Variants in GRM8 observed in about 807,000 individuals in gnomAD.
The protein encoded by GRM8 is metabotropic glutamate receptor 8.
In GRM8, 47 loss-of-function variants were observed where a neutral mutation model predicts 87.2. The ratio of observed to expected loss-of-function variants is 0.54; its 90% CI spans 0.43 to 0.69. The LOEUF is 0.69. Ranked by LOEUF, GRM8 falls within the 30% of genes least tolerant of loss-of-function variation. The pLI, the probability that GRM8 is intolerant of heterozygous loss-of-function variation, is 0.00. For missense variants in GRM8, 1,019 were observed against 1,139.2 expected (o/e 0.89, Z 1.52); for synonymous variants, 396 against 404.5 (o/e 0.98, Z 0.25).
chr7:126,569,929 C>G (rs1585082637), intron 8 of GRM8, among the ~76,000 whole-genome samples: 2 of 152,082 alleles, frequency 1.3e-5, no homozygotes, highest in African/African-American at 4.8e-5. Context: ...TTGGAGTTAT[C>G]AACGAGGGCT....
chr7:126,808,521 C>T (rs776766755), intron 6 of GRM8, among the ~76,000 whole-genome samples: 1 of 152,178 alleles, frequency 6.6e-6, no homozygotes, highest in South Asian at 2.1e-4. Context: ...CTGGCAGGTA[C>T]AAGAGCTACT....
intron 1 of GRM8, among the ~76,000 whole-genome samples, chr7:127,246,345 T>C (rs1255850620): frequency 6.6e-6 from 1 of 152,210 alleles, no homozygotes; most frequent in Non-Finnish European, 1.5e-5. Flanking sequence ...ACCTCTATTG[T>C]ATGTTTTGTG....
At chr7:126,964,091 G>A (rs1489733201) in intron 3 of GRM8, among the ~76,000 whole-genome samples, 1 of 152,170 alleles carries the variant, frequency 6.6e-6, no homozygotes, top group Non-Finnish European at 1.5e-5. Context: ...AATAAATGGT[G>A]CTGGGAAAAC....
chr7:126,607,488 G>T (rs1798472940), intron 8 of GRM8, among the ~76,000 whole-genome samples: 1 of 152,212 alleles, frequency 6.6e-6, no homozygotes, highest in African/African-American at 2.4e-5. Context: ...ATATCAAATT[G>T]ATGTCTTCTG....
intron 7 of GRM8, among the ~76,000 whole-genome samples, chr7:126,709,509 G>C (rs1399951554): frequency 1.3e-5 from 2 of 152,016 alleles, no homozygotes; most frequent in South Asian, 2.1e-4. Flanking sequence ...AGGAGGAGGA[G>C]AAATAATAGA....
rs1462088918 is a variant in GRM8, at chr7:126,647,322, GATAGATAGATAGATAGATAGAT to G, written c.1358-37846_1358-37825del. 9.5e-3 allele frequency among the ~76,000 whole-genome samples: 504 copies of G among 52,934 alleles called. 7 individuals are homozygous for G. The highest frequency in any genetic ancestry group is 0.02 in the African/African-American group (485 of 24,678). 34.7% of individuals were successfully genotyped at this position (52,934 alleles called of 152,430 possible). A position where few individuals can be genotyped will look rare whatever the true frequency, so the allele number is the denominator to read the frequency against. On this transcript the variant is annotated intron_variant, in intron 7 of 10. Transcript: ENST00000339582. ...AGATAGATAGATAGATAGATAGATA[GATAGATAGATAGATAGATAGAT>G]ATAGATATAGATAGATATAAATAGA...
intron 9 of GRM8, among the ~76,000 whole-genome samples, chr7:126,529,876 T>C (rs1206278102): frequency 6.6e-6 from 1 of 152,222 alleles, no homozygotes; most frequent in African/African-American, 2.4e-5. Flanking sequence ...GCCTCAGTGG[T>C]CTACCCTTCC....
chr7:127,079,122 T>C (rs544627423), intron 3 of GRM8, among the ~76,000 whole-genome samples: 1 of 152,240 alleles, frequency 6.6e-6, no homozygotes, highest in South Asian at 2.1e-4. Context: ...GTTTCTTTTT[T>C]CTTTCTTTCT....
chr7:126,931,483 T>C (rs2131444847), intron 3 of GRM8, among the ~76,000 whole-genome samples: 1 of 152,320 alleles, frequency 6.6e-6, no homozygotes, highest in South Asian at 2.1e-4. Flanking sequence ...TTAATAGCAT[T>C]TCATATCATT....
chr7:126,990,474 G>A (rs528052815), intron 3 of GRM8, among the ~76,000 whole-genome samples: 38 of 152,294 alleles, frequency 2.5e-4, no homozygotes, highest in African/African-American at 7.0e-4. Context: ...AACTCAATGG[G>A]AATGGTGGAA....
At chr7:126,625,246 GAT>G (rs966380437) in intron 7 of GRM8, among the ~76,000 whole-genome samples, 2 of 151,978 alleles carry the variant, frequency 1.3e-5, no homozygotes, top group African/African-American at 4.8e-5. Context: ...CTTCAATGTG[GAT>G]ATATATAATA....
intron 3 of GRM8, among the ~76,000 whole-genome samples, chr7:127,060,104 G>C (rs1820460844): frequency 6.6e-6 from 1 of 152,182 alleles, no homozygotes; most frequent in Non-Finnish European, 1.5e-5. Context: ...ATAAAAACTT[G>C]AGGGGATTTC....
At chr7:126,781,676 A>G (rs1463951040) in intron 6 of GRM8, among the ~76,000 whole-genome samples, 1 of 152,162 alleles carries the variant, frequency 6.6e-6, no homozygotes, top group Non-Finnish European at 1.5e-5. Flanking sequence ...CTTATGTTAA[A>G]ATAATCTCAT....
chr7:126,865,611 G>A lies in GRM8; in HGVS notation c.1156+36931C>T, dbSNP rs147887092. On this transcript the variant is annotated intron_variant, in intron 6 of 10. Coordinates refer to ENST00000339582, the MANE Select transcript of GRM8 (RefSeq NM_000845.3). ...CCGTCCCTTCACCATCCAACCCTAG[G>A]CGATCACTAATTTACTTTTCCTCTT... 8.5e-5 allele frequency among the ~76,000 whole-genome samples: 13 copies of A among 152,120 alleles called. No homozygotes were observed. In the East Asian group the frequency reaches 2.3e-3, roughly 27 times the overall value.
Position 126,953,677 on chromosome 7 carries a change from C to T in GRM8, c.728-48994G>A, listed in dbSNP as rs867995630. On this transcript the variant is annotated intron_variant, in intron 3 of 10. Transcript: ENST00000339582. ...CAGAAGGAGAGCTATCAAAAGGAAG[C>T]TATGCAAGTTAATCAGTCAGGGCCT... is the stretch of plus-strand genomic sequence containing the variant. Among the ~76,000 whole-genome samples, 19 of 152,190 alleles carry T rather than the reference C, an allele frequency of 1.2e-4. No homozygotes were observed. The South Asian group carries it at 3.9e-3, about 32-fold the overall frequency.
chr7:126,446,281 A>G lies in GRM8; in HGVS notation c.2522T>C (p.Ile841Thr). 1.9e-6 allele frequency: 3 copies of G among 1,612,302 alleles called. No homozygotes were observed. The highest frequency in any genetic ancestry group is 2.5e-6 in the Non-Finnish European group (3 of 1,178,844). ...GMLYMPKVYIIIFHPEQNVQK... is the reference protein window; with the variant it reads ...GMLYMPKVYITIFHPEQNVQK... The stretch of plus-strand genomic sequence containing the variant: ...AACATTCTGTTCTGGATGAAAAATT[A>G]TAATATAAACCTTGGGCATATAGAG... The change falls in exon 10 of 11, where the codon ATA becomes ACA. Residue 841 changes from isoleucine to threonine, a missense_variant. Physicochemically the swap from Ile to Thr is moderately conservative, Grantham distance 89. Transcript: ENST00000339582.
At chr7:126,568,801 T>C (rs1455915400) in intron 8 of GRM8, among the ~76,000 whole-genome samples, 1 of 152,166 alleles carries the variant, frequency 6.6e-6, no homozygotes, top group Admixed American at 6.6e-5. Context: ...CTAGAGCCTA[T>C]TTGGTGACTT....
intron 2 of GRM8, among the ~76,000 whole-genome samples, chr7:127,134,907 G>T (rs1302652305): frequency 2.0e-5 from 3 of 152,022 alleles, no homozygotes; most frequent in Non-Finnish European, 4.4e-5. Flanking sequence ...TAACATTTCT[G>T]CAAACTTCAT....
At chr7:126,983,818 G>A (rs181947105) in intron 3 of GRM8, among the ~76,000 whole-genome samples, 96 of 152,208 alleles carry the variant, frequency 6.3e-4, no homozygotes, top group African/African-American at 2.2e-3. Context: ...CACTCCACCA[G>A]GAAAAAAACC....
Sources: gnomAD v4.1 joint callset for allele counts (sites outside exome capture counted in the v4.1 genomes callset) on GRCh38, gnomAD v4.1.1 for gene constraint, MANE v1.5 for transcripts, NCBI Gene and HGNC (gene_info 2026-07-23, HGNC 2026-07-21) for gene names.